The following RAPGEF5 variants were observed in gnomAD, a reference collection of about 807,000 sequenced individuals.
RAPGEF5 encodes Rap guanine nucleotide exchange factor 5.
In RAPGEF5, 65 loss-of-function variants were observed where a neutral mutation model predicts 125.2. The observed-to-expected ratio is 0.52, with a 90% confidence interval of 0.43 to 0.64. The LOEUF (loss-of-function observed/expected upper bound fraction) is 0.64. Ranked by LOEUF, RAPGEF5 falls within the 30% of genes least tolerant of loss-of-function variation. The probability of loss-of-function intolerance (pLI) is 0.00; values close to 1 mark genes in which losing one functional copy is unlikely to be tolerated. For synonymous variants in RAPGEF5, 391 were observed against 385.9 expected, an observed-to-expected ratio of 1.01 and a Z score of -0.16; for missense variants, 958 against 1,048.1, an observed-to-expected ratio of 0.91 and a Z score of 1.19.
intron 9 of RAPGEF5, among the ~76,000 whole-genome samples, chr7:22,195,104 G>C (rs1785116310): frequency 6.6e-6 from 1 of 152,186 alleles, no homozygotes; most frequent in Admixed American, 6.5e-5. Flanking sequence ...TATGTGCTTA[G>C]GGCTCCTAGC....
chr7:22,130,183 G>A (rs1293808939), intron 24 of RAPGEF5, among the ~76,000 whole-genome samples: 1 of 148,166 alleles, frequency 6.7e-6, no homozygotes, highest in Non-Finnish European at 1.5e-5. Context: ...TAACCATGAA[G>A]GACAGTTTAC....
In RAPGEF5 at chr7:22,219,850, G is replaced by A. The variant is rs1785736300; in HGVS notation, c.996+16C>T. ...CACCCCTTCAAACCTGCATCCCCAA[G>A]AGGCAAAAGGCTTACGTGTTCAGAC... On this transcript the variant is annotated intron_variant, in intron 9 of 25. Transcript: ENST00000665637. The A allele has an allele frequency of 1.3e-6, 2 of 1,579,674 alleles. No homozygotes were observed. The highest frequency in any genetic ancestry group is 1.3e-5 in the African/African-American group (1 of 74,128).
chr7:22,200,298 A>T (rs147443600), intron 9 of RAPGEF5, among the ~76,000 whole-genome samples: 1,613 of 152,134 alleles, frequency 0.011, 31 homozygotes, highest in African/African-American at 0.036. Context: ...TTTCTCATGA[A>T]AAAAAAAGTA....
chr7:22,356,238 G>T lies in RAPGEF5; in HGVS notation c.231+592C>A, dbSNP rs142804995. The T allele has an allele frequency of 2.4e-4, 240 of 985,422 alleles. No individual in the cohort carries two copies. The African/African-American group carries it at 4.0e-3, about 16-fold the overall frequency. 61.0% of individuals were successfully genotyped at this position (985,422 alleles called of 1,614,324 possible). On this transcript the variant is annotated intron_variant, in intron 1 of 25. Coordinates refer to ENST00000665637, the MANE Select transcript of RAPGEF5 (RefSeq NM_012294.5). The stretch of plus-strand genomic sequence containing the variant: ...GGAAGTCAATATTGAAGGTTCTTGG[G>T]GGCGTGCACCCTCCTGCTCAAGAGG...
At chr7:22,133,902 T>C (rs1782998250) in intron 23 of RAPGEF5, among the ~76,000 whole-genome samples, 1 of 152,150 alleles carries the variant, frequency 6.6e-6, no homozygotes, top group Admixed American at 6.5e-5. Context: ...CCTCAGGTAA[T>C]CCACTTAATT....
At chr7:22,216,681 C>T (rs1044322867) in intron 9 of RAPGEF5, among the ~76,000 whole-genome samples, 3 of 152,190 alleles carry the variant, frequency 2.0e-5, no homozygotes, top group African/African-American at 2.4e-5. Context: ...ATTTCTTTCC[C>T]CTTCTGAAAG....
At chr7:22,216,144 G>T (rs1375042331) in intron 9 of RAPGEF5, among the ~76,000 whole-genome samples, 1 of 152,054 alleles carries the variant, frequency 6.6e-6, no homozygotes, top group African/African-American at 2.4e-5. Context: ...GTTCAGGCTG[G>T]CACCTCTCAC....
intron 11 of RAPGEF5, among the ~76,000 whole-genome samples, chr7:22,183,632 A>T (rs1784742488): frequency 6.6e-6 from 1 of 152,200 alleles, no homozygotes; most frequent in Non-Finnish European, 1.5e-5. Flanking sequence ...TCCATCTTCC[A>T]TGCTGGCTGC....
chr7:22,349,896 A>G (rs1784297025), intron 1 of RAPGEF5, among the ~76,000 whole-genome samples: 2 of 152,184 alleles, frequency 1.3e-5, no homozygotes, highest in African/African-American at 4.8e-5. Context: ...ATAGGTGAAA[A>G]TACCTCTTCC....
intron 9 of RAPGEF5, among the ~76,000 whole-genome samples, chr7:22,216,134 G>T (rs191282019): frequency 8.3e-4 from 126 of 152,254 alleles, no homozygotes; most frequent in Middle Eastern, 3.4e-3. Flanking sequence ...CATTGCCCCA[G>T]TTCAGGCTGG....
intron 11 of RAPGEF5, among the ~76,000 whole-genome samples, chr7:22,188,387 G>C (rs533877986): frequency 8.5e-5 from 13 of 152,158 alleles, no homozygotes; most frequent in Non-Finnish European, 1.6e-4. Context: ...CATGAGCTTG[G>C]TGTTGGCAGG....
chr7:22,293,574 T>C (rs1445662207), intron 5 of RAPGEF5, among the ~76,000 whole-genome samples: 3 of 152,214 alleles, frequency 2.0e-5, no homozygotes, highest in East Asian at 1.9e-4. Context: ...ATCACCTTTC[T>C]AAAACCCAGA....
chr7:22,277,198 T>C lies in RAPGEF5; in HGVS notation c.748-10186A>G, dbSNP rs150564081. Among the ~76,000 whole-genome samples, 154 of 152,324 alleles carry C rather than the reference T, an allele frequency of 1.0e-3. 1 individual carries two copies. The highest frequency in any genetic ancestry group is 1.1e-3 in the Non-Finnish European group (72 of 68,020). On this transcript the variant is annotated intron_variant, in intron 6 of 25. Transcript: ENST00000665637. The stretch of plus-strand genomic sequence containing the variant: ...GAATTCTGAAGCCTTTATAAATGTA[T>C]GAAGGACAGACTTCAGGTTTCAAAA...
intron 1 of RAPGEF5, among the ~76,000 whole-genome samples, chr7:22,329,041 A>G (rs1167117102): frequency 6.6e-6 from 1 of 152,230 alleles, no homozygotes; most frequent in Non-Finnish European, 1.5e-5. Context: ...AGCAACTTAA[A>G]GTTATTTGTG....
At chr7:22,167,352 G>C (rs1021279044) in intron 11 of RAPGEF5, among the ~76,000 whole-genome samples, 1 of 152,086 alleles carries the variant, frequency 6.6e-6, no homozygotes, top group Admixed American at 6.6e-5. Context: ...AATGCCTCAA[G>C]CAATAAGATA....
chr7:22,232,777 C>T (rs1212949958), intron 7 of RAPGEF5, among the ~76,000 whole-genome samples: 1 of 152,214 alleles, frequency 6.6e-6, no homozygotes. Context: ...CAAATGCTAA[C>T]TGGCATGAAC....
chr7:22,248,608 T>G (rs969183267), intron 7 of RAPGEF5, among the ~76,000 whole-genome samples: 1 of 152,120 alleles, frequency 6.6e-6, no homozygotes, highest in Non-Finnish European at 1.5e-5. Flanking sequence ...CAGAGATTAT[T>G]GATAATCTCC....
chr7:22,270,753 A>C (rs1384333327), intron 6 of RAPGEF5, among the ~76,000 whole-genome samples: 2 of 152,252 alleles, frequency 1.3e-5, no homozygotes, highest in East Asian at 3.8e-4. Flanking sequence ...AAAATTTTAC[A>C]AATTTCAGAA....
chr7:22,136,076 T>G lies in RAPGEF5; in HGVS notation c.2378A>C (p.Lys793Thr). The G allele has an allele frequency of 6.2e-7, 1 of 1,612,790 alleles. No individual in the cohort carries two copies. ...GGGCATGAAAGGGATTTTTGGTGGC[T>G]TCATCTTTTTGAATGCATCTCTGTA... ...KAYRDAFKKM[K>T]PPKIPFMPLL... is the part of the protein sequence containing the mutation. Residue 793 changes from lysine (K) to threonine (T), a missense_variant, in exon 23 of 26, where the codon AAG (lysine) becomes ACG (threonine). By Grantham distance (78) the Lys-to-Thr change is moderately conservative. Transcript: ENST00000665637.
Sources: allele counts gnomAD v4.1 joint callset (sites outside exome capture counted in the v4.1 genomes callset), GRCh38; gene constraint gnomAD v4.1.1; transcripts MANE v1.5; gene names NCBI Gene and HGNC (gene_info 2026-07-23, HGNC 2026-07-21).